GABRG1: variants seen among roughly 807,000 people sequenced by gnomAD.
GABRG1 encodes gamma-aminobutyric acid type A receptor subunit gamma1.
In GABRG1, 49 loss-of-function variants were observed where a neutral mutation model predicts 49.8. The observed-to-expected ratio is 0.98, with a 90% confidence interval of 0.78 to 1.25. The LOEUF is 1.25. GABRG1 is among the 50% of genes most tolerant of loss of function. The probability of loss-of-function intolerance (pLI) is 0.00; values close to 1 mark genes in which losing one functional copy is unlikely to be tolerated. For missense variants in GABRG1, 552 were observed against 552.3 expected (o/e 1.00, Z 0.01); for synonymous variants, 232 against 185.1 (o/e 1.25, Z -2.06).
At chr4:46,097,103 C>T (rs1720188420) in intron 2 of GABRG1, 98 bp downstream of exon 2, 2 of 1,038,972 alleles carry the variant, frequency 1.9e-6, no homozygotes, top group Non-Finnish European at 2.7e-6. Flanking sequence ...CTCTGACATA[C>T]ATCAGACACT....
At chr4:46,090,623 G>A (rs13152621) in intron 2 of GABRG1, among the ~76,000 whole-genome samples, 15,976 of 151,920 alleles carry the variant, frequency 0.11, 1,911 homozygotes, top group African/African-American at 0.29. Context: ...TGGTTTAATT[G>A]ATATCAAAAT....
chr4:46,081,528 A>T (rs1411130470), intron 3 of GABRG1, among the ~76,000 whole-genome samples: 1 of 151,844 alleles, frequency 6.6e-6, no homozygotes, highest in African/African-American at 2.4e-5. Context: ...CCAAAGGAGT[A>T]AGCAGACATA....
Position 46,035,956 on chromosome 4 carries a change from T to C in GABRG1, c.*5032A>G, listed in dbSNP as rs867995344. On this transcript the variant is annotated 3_prime_UTR_variant, in exon 9 of 9. Coordinates refer to ENST00000295452, the MANE Select transcript of GABRG1 (RefSeq NM_173536.4). ...AATCACAAGCCATAAAACTTTATTA[T>C]ACAAAGTGACTACAAACACTTAATA... is the stretch of plus-strand genomic sequence containing the variant. 6.6e-6 allele frequency: 1 copy of C among 151,984 alleles called. No homozygotes were observed. Among genetic ancestry groups the C allele is most frequent in the African/African-American group, 2.4e-5 (1 of 41,428 alleles). 9.4% of individuals were successfully genotyped at this position (151,984 alleles called of 1,614,324 possible).
At chr4:46,086,179 A>G (rs10034075) in intron 2 of GABRG1, among the ~76,000 whole-genome samples, 79,120 of 151,276 alleles carry the variant, frequency 0.52, 21,018 homozygotes, top group African/African-American at 0.56. Context: ...TCAACAGGAT[A>G]TAAGTAGATA....
intron 7 of GABRG1, 30 bp from the exon 8 acceptor site, chr4:46,051,668 G>T (rs1718229535): frequency 7.4e-7 from 1 of 1,351,918 alleles, no homozygotes; most frequent in South Asian, 1.3e-5. Flanking sequence ...AACAGGAAAT[G>T]AAAATTAATA....
intron 1 of GABRG1, among the ~76,000 whole-genome samples, chr4:46,109,118 T>G (rs1361986973): frequency 6.6e-6 from 1 of 151,050 alleles, no homozygotes; most frequent in African/African-American, 2.4e-5. Context: ...GTATGCCTAG[T>G]AGAATTTGGC....
chr4:46,111,986 C>T (rs1452375413), intron 1 of GABRG1, among the ~76,000 whole-genome samples: 1 of 151,268 alleles, frequency 6.6e-6, no homozygotes, highest in African/African-American at 2.4e-5. Context: ...CAAAAATGGA[C>T]ATGTGAGACC....
intron 3 of GABRG1, among the ~76,000 whole-genome samples, chr4:46,069,079 A>G (rs1719023527): frequency 6.6e-6 from 1 of 152,066 alleles, no homozygotes; most frequent in Non-Finnish European, 1.5e-5. Context: ...TCATTACTAC[A>G]TTGTCAGTTT....
intron 3 of GABRG1, among the ~76,000 whole-genome samples, chr4:46,067,338 G>C (rs1718955048): frequency 6.6e-6 from 1 of 151,954 alleles, no homozygotes; most frequent in Non-Finnish European, 1.5e-5. Flanking sequence ...AAATCCAATA[G>C]GTACCAGAAA....
intron 1 of GABRG1, among the ~76,000 whole-genome samples, chr4:46,122,238 T>C (rs1721107533): frequency 6.6e-6 from 1 of 152,056 alleles, no homozygotes; most frequent in South Asian, 2.1e-4. Flanking sequence ...AACATGTTTA[T>C]TTAAAATAAA....
intron 1 of GABRG1, among the ~76,000 whole-genome samples, chr4:46,109,651 G>C (rs139178315): frequency 6.6e-6 from 1 of 150,980 alleles, no homozygotes; most frequent in African/African-American, 2.4e-5. Context: ...CCCACAGTTA[G>C]CATATAAACT....
intron 3 of GABRG1, among the ~76,000 whole-genome samples, chr4:46,068,716 TA>T (rs540821597): frequency 6.6e-5 from 10 of 151,544 alleles, no homozygotes; most frequent in African/African-American, 1.9e-4. Flanking sequence ...TTACACGTAA[TA>T]AAAAAAAATC....
intron 1 of GABRG1, among the ~76,000 whole-genome samples, chr4:46,120,189 A>G (rs1340995400): frequency 6.6e-6 from 1 of 151,310 alleles, no homozygotes; most frequent in Non-Finnish European, 1.5e-5. Context: ...TATGTGAATT[A>G]CTCTCTTGAA....
rs761944186 is a variant in GABRG1 at position 46,123,874 on chromosome 4, G to T, written c.40C>A (p.Leu14Met). Residue 14 changes from leucine (L) to methionine (M), a missense_variant, in exon 1 of 9, where the codon CTG (leucine) becomes ATG (methionine). Transcript: ENST00000295452. ...LKAFLFSPFL[L>M]RSQSRGVRLV... is the part of the protein sequence containing the mutation. Reference sequence around the variant, plus strand: ...CTCACCCCTCTACTTTGACTCCGCAGAAGAAAAGGGGAGAAGAGAAAAGCT... The same window carrying T: ...CTCACCCCTCTACTTTGACTCCGCATAAGAAAAGGGGAGAAGAGAAAAGCT... 1 of 1,613,562 alleles carries T rather than the reference G, an allele frequency of 6.2e-7. No homozygotes were observed. The highest frequency in any genetic ancestry group is 1.3e-5 in the African/African-American group (1 of 74,886).
At chr4:46,073,931 A>G (rs1439816284) in intron 3 of GABRG1, among the ~76,000 whole-genome samples, 5 of 152,126 alleles carry the variant, frequency 3.3e-5, no homozygotes, top group Admixed American at 2.0e-4. Flanking sequence ...GGTAACTGAA[A>G]CCACAGAAAG....
chr4:46,101,988 TC>T (rs1200568866), intron 1 of GABRG1, among the ~76,000 whole-genome samples: 2 of 151,724 alleles, frequency 1.3e-5, no homozygotes, highest in Non-Finnish European at 2.9e-5. Flanking sequence ...GTTAATAGTA[TC>T]CTGAAATCTT....
At chr4:46,069,226 AT>A (rs139373087) in intron 3 of GABRG1, among the ~76,000 whole-genome samples, 1 of 152,154 alleles carries the variant, frequency 6.6e-6, no homozygotes, top group Non-Finnish European at 1.5e-5. Flanking sequence ...TCATCATAAA[AT>A]TTGATTGATC....
At chr4:46,094,087 A>G (rs1720093257) in intron 2 of GABRG1, among the ~76,000 whole-genome samples, 1 of 152,080 alleles carries the variant, frequency 6.6e-6, no homozygotes, top group South Asian at 2.1e-4. Flanking sequence ...AGAAGAAATT[A>G]CAAAGAAATA....
chr4:46,067,598 G>A (rs1263748875), intron 3 of GABRG1, among the ~76,000 whole-genome samples: 6 of 152,054 alleles, frequency 3.9e-5, no homozygotes, highest in Non-Finnish European at 8.8e-5. Context: ...GTAACTTAGG[G>A]AGATAATTAA....
Sources: gnomAD v4.1 joint callset for allele counts (sites outside exome capture counted in the v4.1 genomes callset) on GRCh38, gnomAD v4.1.1 for gene constraint, MANE v1.5 for transcripts, NCBI Gene and HGNC (gene_info 2026-07-23, HGNC 2026-07-21) for gene names.